The following GALR1 variants were observed in gnomAD, a reference collection of about 807,000 sequenced individuals.
GALR1 encodes galanin receptor 1, also known as galanin receptor type 1.
In GALR1, 11 loss-of-function variants were observed where a neutral mutation model predicts 17.9. That is an observed-to-expected ratio of 0.62 (90% confidence interval 0.39 to 1.02). GALR1 has a LOEUF of 1.02. GALR1 is among the 50% of genes least tolerant of loss of function. The pLI, the probability that GALR1 is intolerant of heterozygous loss-of-function variation, is 0.01. For missense variants in GALR1, 441 were observed against 456.9 expected, an observed-to-expected ratio of 0.97 and a Z score of 0.32; for synonymous variants, 206 against 205.7, an observed-to-expected ratio of 1.00 and a Z score of -0.01.
chr18:77,268,539 A>C (rs1912989460), intron 2 of GALR1, 46 bp from the exon 3 acceptor site: 3 of 1,275,374 alleles, frequency 2.4e-6, no homozygotes, highest in Non-Finnish European at 2.2e-6. Context: ...CTTCTCCCTT[A>C]CCGCCTCCTC....
chr18:77,264,480 A>G (rs1307706858), intron 2 of GALR1, among the ~76,000 whole-genome samples: 1 of 152,108 alleles, frequency 6.6e-6, no homozygotes, highest in Non-Finnish European at 1.5e-5. Context: ...TAGAAAACAG[A>G]CTGGTGGCCA....
intron 2 of GALR1, among the ~76,000 whole-genome samples, chr18:77,257,854 G>T (rs1458636183): frequency 2.6e-5 from 4 of 152,188 alleles, no homozygotes; most frequent in African/African-American, 9.7e-5. Context: ...ATTTCCCTTG[G>T]GAGGGATTGG....
chr18:77,258,749 G>A (rs922009894), intron 2 of GALR1, among the ~76,000 whole-genome samples: 1 of 144,650 alleles, frequency 6.9e-6, no homozygotes, highest in Admixed American at 6.8e-5. Flanking sequence ...GATGGTTATG[G>A]TGGTGATGAT....
Position 77,271,069 on chromosome 18 carries a change from G to C in GALR1, c.*2167G>C, listed in dbSNP as rs1466862781. On this transcript the variant is annotated 3_prime_UTR_variant, in exon 3 of 3. Transcript: ENST00000299727. ...TTTCTTGCACCATGGCTATTTCTTT[G>C]TTTTCTCCTTCTGATCTGTAAGCAT... 6.6e-6 allele frequency: 1 copy of C among 152,078 alleles called. No homozygotes were observed. The highest frequency in any genetic ancestry group is 1.5e-5 in the Non-Finnish European group (1 of 68,000). 9.4% of individuals were successfully genotyped at this position (152,078 alleles called of 1,614,324 possible).
rs1229484344 is a variant in GALR1, at chr18:77,249,931, C to T, written c.-618C>T. Among the ~76,000 whole-genome samples, 2 of 152,236 alleles carry T rather than the reference C, an allele frequency of 1.3e-5. No individual in the cohort carries two copies. The highest frequency in any genetic ancestry group is 2.9e-5 in the Non-Finnish European group (2 of 68,048). On this transcript the variant is annotated 5_prime_UTR_variant, in exon 1 of 3. Transcript: ENST00000299727. ...GGAAGCCTCCCAAAAGAGCTCTCGC[C>T]CTGTGGACGACTCGGAATCCCTGGA... is the stretch of plus-strand genomic sequence containing the variant.
rs1458244058 is a variant in GALR1 at position 77,272,431 on chromosome 18, G to A, written c.*3529G>A. 1 of 152,226 alleles carries A rather than the reference G, an allele frequency of 6.6e-6. No homozygotes were observed. The highest frequency in any genetic ancestry group is 2.4e-5 in the African/African-American group (1 of 41,460). 9.4% of individuals were successfully genotyped at this position (152,226 alleles called of 1,614,324 possible). A position where few individuals can be genotyped will look rare whatever the true frequency, so the allele number is the denominator to read the frequency against. On this transcript the variant is annotated 3_prime_UTR_variant, in exon 3 of 3. Coordinates refer to ENST00000299727, the MANE Select transcript of GALR1 (RefSeq NM_001480.4). ...CTGTAAACACCAAAATGCTCATGCT[G>A]AAGCAGCATTACATTGAGGAAAATA...
intron 1 of GALR1, 56 bp downstream of exon 1, chr18:77,251,270 G>A: frequency 6.5e-7 from 1 of 1,543,818 alleles, no homozygotes; most frequent in Non-Finnish European, 8.7e-7. Context: ...GCCGGTGGGG[G>A]CCCTGGGGTC....
intron 2 of GALR1, among the ~76,000 whole-genome samples, chr18:77,261,605 G>A (rs1023530013): frequency 2.0e-5 from 3 of 152,122 alleles, no homozygotes; most frequent in Non-Finnish European, 2.9e-5. Context: ...CAGATTCAGT[G>A]TTTTGTTACT....
intron 1 of GALR1, among the ~76,000 whole-genome samples, chr18:77,254,953 G>C (rs191144950): frequency 1.4e-4 from 22 of 152,312 alleles, no homozygotes; most frequent in Admixed American, 1.4e-3. Context: ...CACCTGCATA[G>C]GGCCTGGGCA....
chr18:77,268,542 GCCTCCTCCT>G (rs71876994), intron 2 of GALR1, 34 bp from the exon 3 acceptor site: 104,651 of 1,329,204 alleles, frequency 0.079, 4,123 homozygotes, highest in Non-Finnish European at 0.092. Flanking sequence ...CTCCCTTACC[GCCTCCTCCT>G]CCTCCTCCTC....
In GALR1 at chr18:77,270,030, T is replaced by C. The variant is rs902317723; in HGVS notation, c.*1128T>C. ...TTCCTCTAAAAATGTTAATTTGGGGTTAAAACCATCACCATTTGAATTTCA... is the reference window on the plus strand; with the variant it reads ...TTCCTCTAAAAATGTTAATTTGGGGCTAAAACCATCACCATTTGAATTTCA... On this transcript the variant is annotated 3_prime_UTR_variant, in exon 3 of 3. Coordinates refer to ENST00000299727, the MANE Select transcript of GALR1 (RefSeq NM_001480.4). 24 of 152,240 alleles carry C rather than the reference T, an allele frequency of 1.6e-4. No homozygotes were observed. The highest frequency in any genetic ancestry group is 5.8e-4 in the African/African-American group (24 of 41,468). The allele number at this position is 152,240 out of a possible 1,614,324, so 9.4% of individuals were successfully genotyped here.
chr18:77,277,394 A>G lies in GALR1; in HGVS notation c.*8492A>G, dbSNP rs34021180. 0.13 allele frequency: 19,639 copies of G among 152,168 alleles called. 1,350 individuals carry two copies. Among genetic ancestry groups the G allele is most frequent in the Admixed American group, 0.17 (2,524 of 15,278 alleles). 9.4% of individuals were successfully genotyped at this position (152,168 alleles called of 1,614,324 possible). On this transcript the variant is annotated 3_prime_UTR_variant, in exon 3 of 3. Coordinates refer to ENST00000299727, the MANE Select transcript of GALR1 (RefSeq NM_001480.4). ...AGTTCTCAGGAGATCTGATGGTTTTATAAGCATCTAGCATTTCCCCTGCTG... is the reference window on the plus strand; with the variant it reads ...AGTTCTCAGGAGATCTGATGGTTTTGTAAGCATCTAGCATTTCCCCTGCTG...
intron 2 of GALR1, among the ~76,000 whole-genome samples, chr18:77,262,682 A>T (rs965129297): frequency 2.0e-5 from 3 of 152,162 alleles, no homozygotes; most frequent in Non-Finnish European, 4.4e-5. Context: ...CCCTGGAGAT[A>T]TTTAGCTGGG....
Position 77,252,989 on chromosome 18 carries a change from T to TCAC in GALR1, c.666+1808_666+1810dup, listed in dbSNP as rs1912497112. ...ACCACCATCACCACCATCACCACCA[T>TCAC]CACCACCACCACCACCACCACCACC... On this transcript the variant is annotated intron_variant, in intron 1 of 2. Transcript: ENST00000299727. Among the ~76,000 whole-genome samples, 74 of 24,996 alleles carry TCAC rather than the reference T, an allele frequency of 3.0e-3. 3 individuals are homozygous for TCAC. The highest frequency in any genetic ancestry group is 9.1e-3 in the Admixed American group (20 of 2,188). 16.4% of individuals were successfully genotyped at this position (24,996 alleles called of 152,430 possible).
intron 1 of GALR1, among the ~76,000 whole-genome samples, chr18:77,254,780 T>G (rs80051207): frequency 0.031 from 4,684 of 152,362 alleles, 117 homozygotes; most frequent in Non-Finnish European, 0.049. Flanking sequence ...AACAGTAAAC[T>G]AACACCTTGT....
Position 77,276,018 on chromosome 18 carries a change from C to T in GALR1, c.*7116C>T, listed in dbSNP as rs112574479. 6.6e-5 allele frequency: 10 copies of T among 151,134 alleles called. No individual in the cohort carries two copies. The highest frequency in any genetic ancestry group is 2.1e-4 in the South Asian group (1 of 4,724). The allele number at this position is 151,134 out of a possible 1,614,324, so 9.4% of individuals were successfully genotyped here. ...GGGCTAGCATGTATAAAGAATCAAA[C>T]TTAGTCATTCCATTGAAGTGAAATT... On this transcript the variant is annotated 3_prime_UTR_variant, in exon 3 of 3. Coordinates refer to ENST00000299727, the MANE Select transcript of GALR1 (RefSeq NM_001480.4).
intron 2 of GALR1, among the ~76,000 whole-genome samples, chr18:77,262,737 A>G (rs866495096): frequency 1.3e-5 from 2 of 152,218 alleles, no homozygotes. Flanking sequence ...TCTTTTGGGA[A>G]CAATCTGAGA....
intron 2 of GALR1, among the ~76,000 whole-genome samples, chr18:77,264,957 G>A (rs1201415263): frequency 6.6e-6 from 1 of 152,124 alleles, no homozygotes; most frequent in Non-Finnish European, 1.5e-5. Context: ...GGAACACAGA[G>A]CCAAACCATG....
Position 77,268,599 on chromosome 18 carries a change from T to G in GALR1, c.747T>G (p.Val249=). The part of the protein sequence containing the change: ...EASKKKTAQT[V]LVVVVVFGIS... ...TTCTTTTCTAGACTGCACAGACAGTTCTGGTGGTGGTTGTGGTGTTTGGAA... is the reference window on the plus strand; with the variant it reads ...TTCTTTTCTAGACTGCACAGACAGTGCTGGTGGTGGTTGTGGTGTTTGGAA... The change falls in exon 3 of 3, where the codon GTT becomes GTG. Residue 249 remains valine, a synonymous_variant. Coordinates refer to ENST00000299727, the MANE Select transcript of GALR1 (RefSeq NM_001480.4). The G allele has an allele frequency of 1.2e-6, 2 of 1,613,820 alleles. No individual in the cohort carries two copies. The highest frequency in any genetic ancestry group is 1.7e-6 in the Non-Finnish European group (2 of 1,179,886).
Sources: allele counts gnomAD v4.1 joint callset (sites outside exome capture counted in the v4.1 genomes callset), GRCh38; gene constraint gnomAD v4.1.1; transcripts MANE v1.5; gene names NCBI Gene and HGNC (gene_info 2026-07-23, HGNC 2026-07-21).